ZNF407: variants seen among roughly 807,000 people sequenced by gnomAD.
ZNF407 encodes the protein zinc finger protein 407.
Under a neutral mutation model 131.2 loss-of-function variants are expected in ZNF407, and 17 were observed. That is an observed-to-expected ratio of 0.13 (90% confidence interval 0.09 to 0.19). The LOEUF is 0.19. Ranked by LOEUF, ZNF407 falls within the 10% of genes least tolerant of loss-of-function variation. The pLI is 1.00. For synonymous variants in ZNF407, 1,156 were observed against 1,062.0 expected (o/e 1.09, Z -1.72); for missense variants, 2,681 against 2,830.6 (o/e 0.95, Z 1.20).
At chr18:74,988,904 C>T (rs1972685482) in intron 8 of ZNF407, among the ~76,000 whole-genome samples, 1 of 152,178 alleles carries the variant, frequency 6.6e-6, no homozygotes, top group Admixed American at 6.5e-5. Context: ...CTTTACAAAA[C>T]AGTTTGATAA....
intron 4 of ZNF407, among the ~76,000 whole-genome samples, chr18:74,871,728 G>A (rs1006443460): frequency 2.0e-5 from 3 of 151,864 alleles, no homozygotes; most frequent in Non-Finnish European, 2.9e-5. Flanking sequence ...TGAAAAGACT[G>A]GTCCAAGTTA....
At chr18:75,041,360 GT>G (rs367636417) in intron 8 of ZNF407, among the ~76,000 whole-genome samples, 77 of 152,216 alleles carry the variant, frequency 5.1e-4, no homozygotes, top group African/African-American at 1.6e-3. Context: ...AAGCTGTAGG[GT>G]TTCCCCCCTT....
At chr18:74,819,377 T>C (rs1421358890) in intron 4 of ZNF407, among the ~76,000 whole-genome samples, 2 of 152,160 alleles carry the variant, frequency 1.3e-5, no homozygotes, top group African/African-American at 2.4e-5. Flanking sequence ...ACAGAATGTA[T>C]AATATCCGGT....
intron 3 of ZNF407, among the ~76,000 whole-genome samples, chr18:74,702,620 T>G (rs1416941755): frequency 6.6e-6 from 1 of 152,180 alleles, no homozygotes; most frequent in Admixed American, 6.5e-5. Flanking sequence ...TATGCATTGT[T>G]TCCAGTGCAT....
intron 8 of ZNF407, among the ~76,000 whole-genome samples, chr18:74,936,885 CTT>C (rs1972046175): frequency 6.6e-6 from 1 of 152,262 alleles, no homozygotes; most frequent in South Asian, 2.1e-4. Context: ...AATTCTCAAA[CTT>C]TTTGGTGAGA....
intron 3 of ZNF407, among the ~76,000 whole-genome samples, chr18:74,661,756 G>C (rs2144732102): frequency 6.6e-6 from 1 of 152,240 alleles, no homozygotes; most frequent in Admixed American, 6.5e-5. Flanking sequence ...AATATTCAAA[G>C]CTACTAAGCT....
chr18:74,858,254 C>A (rs1405704317), intron 4 of ZNF407, among the ~76,000 whole-genome samples: 1 of 151,736 alleles, frequency 6.6e-6, no homozygotes, highest in African/African-American at 2.4e-5. Context: ...TTAACACCCC[C>A]TTTTCTGTAA....
At chr18:74,966,078 G>A (rs914480757) in intron 8 of ZNF407, among the ~76,000 whole-genome samples, 10 of 152,140 alleles carry the variant, frequency 6.6e-5, no homozygotes, top group African/African-American at 2.4e-4. Flanking sequence ...TTGTCAGATA[G>A]GCAGCTTGCA....
chr18:74,819,103 T>C (rs978609375), intron 4 of ZNF407, among the ~76,000 whole-genome samples: 1 of 152,114 alleles, frequency 6.6e-6, no homozygotes, highest in Non-Finnish European at 1.5e-5. Flanking sequence ...CTTGGTCAAG[T>C]ATTCAGAATT....
chr18:74,622,139 C>T (rs9953757), intron 1 of ZNF407, among the ~76,000 whole-genome samples: 126,870 of 152,008 alleles, frequency 0.83, 53,209 homozygotes, highest in Middle Eastern at 0.9. Flanking sequence ...ATGTTTCTGC[C>T]GGGAGGAGAC....
chr18:74,601,092 G>A (rs1468410934), intron 1 of ZNF407, among the ~76,000 whole-genome samples: 1 of 152,184 alleles, frequency 6.6e-6, no homozygotes, highest in Non-Finnish European at 1.5e-5. Context: ...AGGTGAGATG[G>A]ACAAGTCAAG....
chr18:74,636,617 T>G (rs1231630131), intron 2 of ZNF407, among the ~76,000 whole-genome samples: 1 of 152,234 alleles, frequency 6.6e-6, no homozygotes, highest in Non-Finnish European at 1.5e-5. Flanking sequence ...AGCTATACTT[T>G]AAATTCATAC....
Position 75,030,264 on chromosome 18 carries a change from A to G in ZNF407, c.5429-32886A>G, listed in dbSNP as rs1047046802. The stretch of plus-strand genomic sequence containing the variant: ...ATAGCTCCCAGCAACAATCAGAGCT[A>G]TACATTAGATTTCACTTCTATCAGT... On this transcript the variant is annotated intron_variant, in intron 8 of 8. Transcript: ENST00000299687. Among the ~76,000 whole-genome samples the G allele has an allele frequency of 2.6e-5, 4 of 152,242 alleles. No homozygotes were observed. In the East Asian group the frequency reaches 5.8e-4, roughly 22 times the overall value.
At chr18:74,602,073 A>G (rs942672238) in intron 1 of ZNF407, among the ~76,000 whole-genome samples, 2 of 152,156 alleles carry the variant, frequency 1.3e-5, no homozygotes, top group African/African-American at 4.8e-5. Context: ...TTGTCTTGTG[A>G]CTAGAACATC....
intron 4 of ZNF407, among the ~76,000 whole-genome samples, chr18:74,857,307 A>G (rs1285722996): frequency 1.3e-5 from 2 of 152,230 alleles, no homozygotes; most frequent in African/African-American, 4.8e-5. Context: ...TTGGGGGAAT[A>G]ACCATACTTC....
At chr18:74,954,368 T>C (rs1972252136) in intron 8 of ZNF407, among the ~76,000 whole-genome samples, 1 of 152,176 alleles carries the variant, frequency 6.6e-6, no homozygotes. Context: ...CATAAATGAC[T>C]ATGATTAAAT....
chr18:75,017,982 G>A (rs2122196139), intron 8 of ZNF407, among the ~76,000 whole-genome samples: 1 of 152,190 alleles, frequency 6.6e-6, no homozygotes, highest in East Asian at 1.9e-4. Flanking sequence ...AATTCAAAAA[G>A]AAAATATTCT....
chr18:74,961,777 G>C (rs1972348419), intron 8 of ZNF407, among the ~76,000 whole-genome samples: 4 of 151,744 alleles, frequency 2.6e-5, no homozygotes, highest in African/African-American at 7.3e-5. Flanking sequence ...AGGTTTCTGT[G>C]GTTTTTAGCT....
rs1318657421 is a variant in ZNF407, at chr18:74,633,980, T to A, written c.2961T>A (p.Asp987Glu). 1.9e-6 allele frequency: 3 copies of A among 1,613,858 alleles called. No individual in the cohort carries two copies. The highest frequency in any genetic ancestry group is 2.7e-5 in the African/African-American group (2 of 74,904). The change falls in exon 2 of 9, where the codon GAT becomes GAA. Residue 987 changes from aspartate (D) to glutamate (E), a missense_variant. Transcript: ENST00000299687. ...GAGAAGTTAACAGCCATCTTCTTGA[T>A]AAAAAGGAGCAAATATCTTCAGAGC... The part of the protein sequence containing the change: ...LDGEVNSHLL[D>E]KKEQISSEPE...
Sources: gnomAD v4.1 joint callset for allele counts (sites outside exome capture counted in the v4.1 genomes callset) on GRCh38, gnomAD v4.1.1 for gene constraint, MANE v1.5 for transcripts, NCBI Gene and HGNC (gene_info 2026-07-23, HGNC 2026-07-21) for gene names.